Variants in ARID5B observed in about 807,000 individuals in gnomAD.
ARID5B encodes the protein AT-rich interaction domain 5B.
A neutral mutation model predicts 97.2 loss-of-function variants in ARID5B; 13 were observed. The ratio of observed to expected loss-of-function variants is 0.13; its 90% CI spans 0.09 to 0.21. ARID5B has a LOEUF of 0.21. Among genes scored for constraint, ARID5B ranks in the 10% least tolerant of loss-of-function variants. The probability of loss-of-function intolerance (pLI) is 1.00; values close to 1 mark genes in which losing one functional copy is unlikely to be tolerated. For missense variants in ARID5B, 1,210 were observed against 1,465.3 expected (o/e 0.83, Z 2.84); for synonymous variants, 556 against 570.3 (o/e 0.97, Z 0.36).
intron 3 of ARID5B, among the ~76,000 whole-genome samples, chr10:61,973,527 A>G (rs1246581215): frequency 6.6e-6 from 1 of 152,196 alleles, no homozygotes; most frequent in African/African-American, 2.4e-5. Context: ...TTGTTGCTCC[A>G]GGTTCCTGAA....
chr10:62,001,007 C>T (rs899058502), intron 4 of ARID5B, among the ~76,000 whole-genome samples: 8 of 152,166 alleles, frequency 5.3e-5, no homozygotes, highest in African/African-American at 1.2e-4. Context: ...TAACTGGTCA[C>T]GTGTCTCTAC....
chr10:61,913,854 C>T (rs578198336), intron 2 of ARID5B, among the ~76,000 whole-genome samples: 158 of 152,286 alleles, frequency 1.0e-3, no homozygotes, highest in Non-Finnish European at 1.7e-3. Context: ...CAGATTCAAG[C>T]GATTCTCCTG....
At chr10:62,040,137 A>G (rs7072304) in intron 4 of ARID5B, among the ~76,000 whole-genome samples, 6,611 of 152,286 alleles carry the variant, frequency 0.043, 195 homozygotes, top group African/African-American at 0.085. Context: ...CTCTCTCTCC[A>G]TTCTCACTCT....
At chr10:62,059,192 G>T in intron 6 of ARID5B, 51 bp from the exon 7 acceptor site, 9 of 1,364,754 alleles carry the variant, frequency 6.6e-6, no homozygotes, top group South Asian at 2.7e-5. Flanking sequence ...GACATTTCTT[G>T]GAAGTATGTT....
rs539202267 is a variant in ARID5B, at chr10:62,075,311, T to TA, written c.1199+5521dup. Among the ~76,000 whole-genome samples the TA allele has an allele frequency of 2.9e-3, 436 of 152,314 alleles. 7 individuals are homozygous for TA. Among genetic ancestry groups the TA allele is most frequent in the Middle Eastern group, 6.8e-3 (2 of 294 alleles). On this transcript the variant is annotated intron_variant, in intron 8 of 9. Transcript: ENST00000279873. Reference sequence around the variant, plus strand: ...ACTTACAAACACTGGCTCCAATATTTAAAAAAATATTTTATATAAGCTAAA... The same window carrying TA: ...ACTTACAAACACTGGCTCCAATATTTAAAAAAAATATTTTATATAAGCTAAA...
At chr10:61,986,805 A>G (rs1001728373) in intron 3 of ARID5B, among the ~76,000 whole-genome samples, 15 of 152,184 alleles carry the variant, frequency 9.9e-5, no homozygotes, top group African/African-American at 3.6e-4. Flanking sequence ...AGCAATAATC[A>G]GACAAGTACC....
At chr10:61,985,298 T>A (rs1299642786) in intron 3 of ARID5B, among the ~76,000 whole-genome samples, 1 of 151,662 alleles carries the variant, frequency 6.6e-6, no homozygotes, top group East Asian at 2.0e-4. Context: ...ACTTAATACA[T>A]CTGTTCACAT....
chr10:61,929,027 G>C (rs1278302138), intron 2 of ARID5B, among the ~76,000 whole-genome samples: 1 of 152,164 alleles, frequency 6.6e-6, no homozygotes, highest in Admixed American at 6.5e-5. Flanking sequence ...GTGCACACCA[G>C]AGGCACATGC....
intron 5 of ARID5B, among the ~76,000 whole-genome samples, chr10:62,056,124 A>G (rs975604338): frequency 1.3e-5 from 2 of 152,190 alleles, no homozygotes; most frequent in Non-Finnish European, 2.9e-5. Flanking sequence ...TTTAACGACC[A>G]TCAAAGTCCT....
chr10:62,030,971 C>G (rs1241599760), intron 4 of ARID5B, among the ~76,000 whole-genome samples: 2 of 152,184 alleles, frequency 1.3e-5, no homozygotes, highest in African/African-American at 4.8e-5. Flanking sequence ...TGCGGTGGCT[C>G]ACACCTGTAA....
intron 8 of ARID5B, among the ~76,000 whole-genome samples, chr10:62,081,211 G>T (rs1159232568): frequency 6.6e-6 from 1 of 152,172 alleles, no homozygotes; most frequent in Non-Finnish European, 1.5e-5. Flanking sequence ...ATTTCTCACT[G>T]ATTTGATACC....
chr10:61,941,097 G>A (rs1237326136), intron 3 of ARID5B, among the ~76,000 whole-genome samples: 5 of 142,878 alleles, frequency 3.5e-5, no homozygotes, highest in Admixed American at 7.2e-5. Flanking sequence ...CTTCTTAGCT[G>A]TATGGCCTTA....
At chr10:61,976,134 A>G (rs1315401020) in intron 3 of ARID5B, among the ~76,000 whole-genome samples, 1 of 152,238 alleles carries the variant, frequency 6.6e-6, no homozygotes, top group African/African-American at 2.4e-5. Context: ...ATGCTCTTCA[A>G]TGATGGAAAT....
At chr10:61,926,574 G>C (rs1029741894) in intron 2 of ARID5B, among the ~76,000 whole-genome samples, 1 of 151,914 alleles carries the variant, frequency 6.6e-6, no homozygotes, top group Non-Finnish European at 1.5e-5. Context: ...AGAAACCCAG[G>C]TATTTAATTT....
At chr10:61,931,428 C>T (rs933760895) in intron 2 of ARID5B, among the ~76,000 whole-genome samples, 4 of 152,018 alleles carry the variant, frequency 2.6e-5, no homozygotes, top group African/African-American at 4.8e-5. Context: ...AGGAGAAACT[C>T]ATTATGACCT....
intron 8 of ARID5B, among the ~76,000 whole-genome samples, chr10:62,083,375 G>C (rs1478282297): frequency 6.7e-6 from 1 of 148,942 alleles, no homozygotes; most frequent in Non-Finnish European, 1.5e-5. Context: ...TGCAAAATTA[G>C]AAAAGGAAAT....
At chr10:61,940,950 TATATATATATATA>T (rs1564608273) in intron 3 of ARID5B, among the ~76,000 whole-genome samples, 1 of 12,850 alleles carries the variant, frequency 7.8e-5, no homozygotes, top group Non-Finnish European at 2.8e-4. Flanking sequence ...TATATATATA[TATATATATATATA>T]TATTTTTTTT....
chr10:62,056,525 T>C (rs955525036), intron 5 of ARID5B, among the ~76,000 whole-genome samples: 5 of 152,200 alleles, frequency 3.3e-5, no homozygotes, highest in Non-Finnish European at 5.9e-5. Context: ...AAGAGTGGTT[T>C]ACTACAAAGA....
chr10:61,936,553 G>A (rs948872877), intron 2 of ARID5B, among the ~76,000 whole-genome samples: 6 of 152,242 alleles, frequency 3.9e-5, no homozygotes, highest in Non-Finnish European at 7.3e-5. Flanking sequence ...GAGAGGCAGA[G>A]GTTGCAGGAG....
Sources: allele counts gnomAD v4.1 joint callset (sites outside exome capture counted in the v4.1 genomes callset), GRCh38; gene constraint gnomAD v4.1.1; transcripts MANE v1.5; gene names NCBI Gene and HGNC (gene_info 2026-07-23, HGNC 2026-07-21).